The following ANKRD12 variants were observed in gnomAD, a reference collection of about 807,000 sequenced individuals.
ANKRD12 encodes ankyrin repeat domain 12.
A neutral mutation model predicts 183.4 loss-of-function variants in ANKRD12; 85 were observed. That is an observed-to-expected ratio of 0.46 (90% CI 0.39 to 0.56). ANKRD12 has a LOEUF of 0.56. Ranked by LOEUF, ANKRD12 falls within the 20% of genes least tolerant of loss-of-function variation. ANKRD12 has a pLI of 0.00. For missense variants in ANKRD12, 2,405 were observed against 2,357.1 expected, an observed-to-expected ratio of 1.02 and a Z score of -0.42; for synonymous variants, 914 against 800.2, an observed-to-expected ratio of 1.14 and a Z score of -2.40.
chr18:9,252,130 A>G (rs957095004), intron 8 of ANKRD12, among the ~76,000 whole-genome samples: 8 of 152,368 alleles, frequency 5.3e-5, no homozygotes, highest in South Asian at 2.1e-4. Flanking sequence ...TCACCATAGC[A>G]GTCATCTACT....
At chr18:9,267,953 C>T (rs2039394007) in intron 10 of ANKRD12, among the ~76,000 whole-genome samples, 1 of 152,138 alleles carries the variant, frequency 6.6e-6, no homozygotes, top group Non-Finnish European at 1.5e-5. Flanking sequence ...ACCACCCATC[C>T]CACAGAAACA....
intron 8 of ANKRD12, among the ~76,000 whole-genome samples, chr18:9,244,749 A>G (rs1212868273): frequency 6.6e-6 from 1 of 152,230 alleles, no homozygotes; most frequent in Non-Finnish European, 1.5e-5. Context: ...TGGACTTTCC[A>G]TGGAGTATAA....
intron 3 of ANKRD12, among the ~76,000 whole-genome samples, chr18:9,202,137 T>G (rs2035209596): frequency 6.6e-6 from 1 of 152,194 alleles, no homozygotes; most frequent in Admixed American, 6.5e-5. Context: ...TTTTTGGCAT[T>G]TTAAAAAGAT....
At chr18:9,145,736 A>C (rs575760476) in intron 1 of ANKRD12, among the ~76,000 whole-genome samples, 1 of 152,350 alleles carries the variant, frequency 6.6e-6, no homozygotes, top group Non-Finnish European at 1.5e-5. Flanking sequence ...TGAGGGGCTT[A>C]ATAAAAATTA....
chr18:9,204,599 AT>A, intron 4 of ANKRD12, 55 bp downstream of exon 4: 6 of 1,292,710 alleles, frequency 4.6e-6, no homozygotes, highest in South Asian at 1.3e-5. Flanking sequence ...CACATTTACA[AT>A]TAATTATTGT....
At chr18:9,163,257 A>G (rs1020104092) in intron 1 of ANKRD12, among the ~76,000 whole-genome samples, 6 of 152,164 alleles carry the variant, frequency 3.9e-5, no homozygotes, top group African/African-American at 1.2e-4. Context: ...ATTTTTTTGC[A>G]TATGGCTACC....
At chr18:9,221,049 T>C (rs1252853307) in intron 7 of ANKRD12, among the ~76,000 whole-genome samples, 1 of 152,198 alleles carries the variant, frequency 6.6e-6, no homozygotes, top group Non-Finnish European at 1.5e-5. Flanking sequence ...CAAAGTTTCC[T>C]TGTTTTGTCC....
chr18:9,152,474 G>C (rs746028975), intron 1 of ANKRD12, among the ~76,000 whole-genome samples: 5 of 151,798 alleles, frequency 3.3e-5, no homozygotes, highest in African/African-American at 4.8e-5. Context: ...TATATTTCCA[G>C]GTATATCTTC....
intron 2 of ANKRD12, among the ~76,000 whole-genome samples, chr18:9,186,750 CTTTTT>C (rs759387137): frequency 2.6e-5 from 3 of 117,266 alleles, no homozygotes; most frequent in Admixed American, 8.9e-5. Flanking sequence ...CTTTGATTGT[CTTTTT>C]TTTTTTTTTT....
chr18:9,240,047 A>G (rs1404285041), intron 8 of ANKRD12, among the ~76,000 whole-genome samples: 2 of 152,200 alleles, frequency 1.3e-5, no homozygotes, highest in African/African-American at 4.8e-5. Context: ...ATGGAAAAAA[A>G]TGTCCACTAA....
At chr18:9,173,953 G>A (rs1031530802) in intron 1 of ANKRD12, among the ~76,000 whole-genome samples, 1 of 152,234 alleles carries the variant, frequency 6.6e-6, no homozygotes, top group African/African-American at 2.4e-5. Context: ...CCCCCTAGGG[G>A]CTTGTCCCAG....
At position 9,280,923 on chromosome 18, in the gene ANKRD12, T is replaced by G. The variant is rs754526849; in HGVS notation, c.6004-18T>G. 1 of 1,596,158 alleles carries G rather than the reference T, an allele frequency of 6.3e-7. No homozygotes were observed. Among genetic ancestry groups the G allele is most frequent in the Non-Finnish European group, 8.5e-7 (1 of 1,175,514 alleles). On this transcript the variant is annotated intron_variant, in intron 12 of 12. Transcript: ENST00000262126. ...AGTTAACAGAATAATCAAGTAACTC[T>G]TCTCTTCTTTTAAATAGACCTGTCT...
intron 1 of ANKRD12, among the ~76,000 whole-genome samples, chr18:9,158,255 T>TA (rs2030896500): frequency 6.6e-6 from 1 of 152,222 alleles, no homozygotes; most frequent in Non-Finnish European, 1.5e-5. Flanking sequence ...ATGTCCCAAA[T>TA]AAAAAACCAA....
intron 7 of ANKRD12, among the ~76,000 whole-genome samples, chr18:9,220,252 G>A (rs918488369): frequency 7.9e-5 from 12 of 152,002 alleles, no homozygotes; most frequent in African/African-American, 2.9e-4. Context: ...ATTTTTTAAG[G>A]TGTGATATGT....
chr18:9,172,277 G>A (rs1273768265), intron 1 of ANKRD12, among the ~76,000 whole-genome samples: 1 of 152,104 alleles, frequency 6.6e-6, no homozygotes, highest in African/African-American at 2.4e-5. Context: ...TTCTTGCTAG[G>A]TTGGAGAAGT....
At chr18:9,178,641 A>G (rs2033475481) in intron 1 of ANKRD12, among the ~76,000 whole-genome samples, 1 of 152,162 alleles carries the variant, frequency 6.6e-6, no homozygotes. Context: ...TAACATTTTC[A>G]TATACATTAT....
At chr18:9,141,068 G>A (rs2078296721) in intron 1 of ANKRD12, among the ~76,000 whole-genome samples, 1 of 151,372 alleles carries the variant, frequency 6.6e-6, no homozygotes, top group Admixed American at 6.6e-5. Context: ...TTGAAGGCGG[G>A]GATTCTTAAA....
chr18:9,165,707 A>C (rs933599009), intron 1 of ANKRD12, among the ~76,000 whole-genome samples: 1 of 151,332 alleles, frequency 6.6e-6, no homozygotes, highest in African/African-American at 2.4e-5. Flanking sequence ...TTTTTTATTT[A>C]TTTTTATTTT....
intron 2 of ANKRD12, among the ~76,000 whole-genome samples, chr18:9,185,738 G>T (rs927236689): frequency 5.9e-5 from 9 of 152,132 alleles, no homozygotes; most frequent in African/African-American, 2.2e-4. Context: ...AAAGAGACAA[G>T]GAAAGAGGAG....
Sources: allele counts gnomAD v4.1 joint callset (sites outside exome capture counted in the v4.1 genomes callset), GRCh38; gene constraint gnomAD v4.1.1; transcripts MANE v1.5; gene names NCBI Gene and HGNC (gene_info 2026-07-23, HGNC 2026-07-21).